BTRC: variants seen among roughly 807,000 people sequenced by gnomAD.
BTRC encodes F-box/WD repeat-containing protein 1A.
In BTRC, 42 loss-of-function variants were observed where a neutral mutation model predicts 85.5. The observed-to-expected ratio is 0.49, with a 90% CI of 0.38 to 0.64. BTRC has a LOEUF of 0.64. BTRC is among the 30% of genes least tolerant of loss of function. The probability of loss-of-function intolerance (pLI) is 0.00; values close to 1 mark genes in which losing one functional copy is unlikely to be tolerated. For missense variants in BTRC, 594 were observed against 743.5 expected (o/e 0.80, Z 2.34); for synonymous variants, 255 against 263.3 (o/e 0.97, Z 0.30).
intron 1 of BTRC, among the ~76,000 whole-genome samples, chr10:101,429,619 C>G (rs1483123810): frequency 6.7e-6 from 1 of 148,484 alleles, no homozygotes; most frequent in African/African-American, 2.5e-5. Flanking sequence ...TCCTTTCTCT[C>G]TCTCTGTGTC....
At chr10:101,517,260 C>T (rs911767984) in intron 4 of BTRC, among the ~76,000 whole-genome samples, 9 of 152,146 alleles carry the variant, frequency 5.9e-5, no homozygotes, top group African/African-American at 2.2e-4. Flanking sequence ...GGCCTAATGC[C>T]ATTCTTGAAA....
Position 101,550,861 on chromosome 10 carries a change from AT to A in BTRC, c.*2del. 6.2e-7 allele frequency: 1 copy of A among 1,613,310 alleles called. No homozygotes were observed. The highest frequency in any genetic ancestry group is 1.3e-5 in the African/African-American group (1 of 75,038). ...AACATACACCTACATCTCCAGATAA[AT>A]AACCATACACTGACCTCATACTTGC... On this transcript the variant is annotated 3_prime_UTR_variant, in exon 14 of 15. Coordinates refer to ENST00000370187, the MANE Select transcript of BTRC (RefSeq NM_033637.4).
intron 2 of BTRC, among the ~76,000 whole-genome samples, chr10:101,444,818 T>C (rs1944779606): frequency 6.6e-6 from 1 of 152,222 alleles, no homozygotes; most frequent in South Asian, 2.1e-4. Flanking sequence ...GGTGCCAGCA[T>C]AGCAGTGAAC....
Position 101,401,850 on chromosome 10 carries a change from A to G in BTRC, c.49-28495A>G, listed in dbSNP as rs540045013. On this transcript the variant is annotated intron_variant, in intron 1 of 14. Transcript: ENST00000370187. The stretch of plus-strand genomic sequence containing the variant: ...GAGACCTCATCTCAAAAAAAAAAAA[A>G]AAAAGAAAAAGAAAAACAATGTTTC... 1.6e-4 allele frequency among the ~76,000 whole-genome samples: 24 copies of G among 151,688 alleles called. No homozygotes were observed. The South Asian group carries it at 5.0e-3, about 32-fold the overall frequency.
intron 1 of BTRC, among the ~76,000 whole-genome samples, chr10:101,364,030 C>T: frequency 6.6e-6 from 1 of 151,956 alleles, no homozygotes; most frequent in East Asian, 1.9e-4. Flanking sequence ...AAGTCAAAAG[C>T]CCAAAGTCAA....
chr10:101,362,323 G>C (rs1284849722), intron 1 of BTRC, among the ~76,000 whole-genome samples: 1 of 151,984 alleles, frequency 6.6e-6, no homozygotes, highest in Non-Finnish European at 1.5e-5. Context: ...CAGGGTATCT[G>C]ATTTTGCCTT....
At chr10:101,366,698 A>T (rs1406664804) in intron 1 of BTRC, among the ~76,000 whole-genome samples, 2 of 142,974 alleles carry the variant, frequency 1.4e-5, no homozygotes, top group Non-Finnish European at 3.0e-5. Context: ...GGGTAGATAG[A>T]TATAATTTGA....
At chr10:101,387,528 C>CTTTTTTTGTTTTTTTTTT (rs1943111470) in intron 1 of BTRC, among the ~76,000 whole-genome samples, 2 of 45,122 alleles carry the variant, frequency 4.4e-5, no homozygotes, top group African/African-American at 1.5e-4. Context: ...CTTCATGGGA[C>CTTTTTTTGTTTTTTTTTT]TTTTTTTTTT....
At chr10:101,523,513 A>T (rs1207664705) in intron 5 of BTRC, among the ~76,000 whole-genome samples, 1 of 152,188 alleles carries the variant, frequency 6.6e-6, no homozygotes, top group Non-Finnish European at 1.5e-5. Context: ...CTTATATTAA[A>T]TATCATTACC....
chr10:101,526,668 TACTGTAG>T (rs2134390701), intron 6 of BTRC, among the ~76,000 whole-genome samples: 1 of 152,274 alleles, frequency 6.6e-6, no homozygotes, highest in African/African-American at 2.4e-5. Context: ...TAATCCCAGC[TACTGTAG>T]AGGCTGAGGC....
intron 5 of BTRC, among the ~76,000 whole-genome samples, chr10:101,524,642 T>A (rs1208435832): frequency 6.6e-6 from 1 of 152,154 alleles, no homozygotes; most frequent in Non-Finnish European, 1.5e-5. Context: ...CAGGAACAAT[T>A]TGATGGCACC....
intron 4 of BTRC, among the ~76,000 whole-genome samples, chr10:101,512,960 C>T (rs1457586249): frequency 1.3e-5 from 2 of 152,226 alleles, no homozygotes; most frequent in Non-Finnish European, 2.9e-5. Context: ...GTGGTTGAGT[C>T]ATCAGGCTTT....
At chr10:101,449,064 A>G (rs1430899236) in intron 2 of BTRC, among the ~76,000 whole-genome samples, 1 of 152,030 alleles carries the variant, frequency 6.6e-6, no homozygotes, top group Non-Finnish European at 1.5e-5. Flanking sequence ...ACCAGTCCAT[A>G]TTAGAGACAT....
At position 101,521,828 on chromosome 10, in the gene BTRC, CT is replaced by C. The variant is rs750731729; in HGVS notation, c.516del (p.Lys173AsnfsTer9). On this transcript the variant is annotated frameshift_variant, in exon 5 of 15. Coordinates refer to ENST00000370187, the MANE Select transcript of BTRC (RefSeq NM_033637.4). LOFTEE classifies it high-confidence loss of function. ...HYQHGHINSYLKPMLQRDFIT... is the reference protein window; with the variant it reads ...HYQHGHINSYXKPMLQRDFIT... The stretch of plus-strand genomic sequence containing the variant: ...CCAACATGGGCACATAAACTCGTAT[CT>C]TAAACCTATGTTGCAGAGAGATTTC... 1 of 1,613,886 alleles carries C rather than the reference CT, an allele frequency of 6.2e-7. No homozygotes were observed. Among genetic ancestry groups the C allele is most frequent in the Non-Finnish European group, 8.5e-7 (1 of 1,179,824 alleles).
chr10:101,409,063 A>C (rs1356082658), intron 1 of BTRC, among the ~76,000 whole-genome samples: 2 of 152,194 alleles, frequency 1.3e-5, no homozygotes, highest in Admixed American at 6.5e-5. Flanking sequence ...ACAAAAACAA[A>C]AAACAAAAAA....
intron 1 of BTRC, among the ~76,000 whole-genome samples, chr10:101,374,638 G>A (rs1489529650): frequency 9.0e-6 from 1 of 111,632 alleles, no homozygotes; most frequent in East Asian, 3.2e-4. Context: ...GTTGTGGGGT[G>A]GGGGGAGGGG....
Position 101,416,681 on chromosome 10 carries a change from T to G in BTRC, c.49-13664T>G, listed in dbSNP as rs573595737. On this transcript the variant is annotated intron_variant, in intron 1 of 14. Coordinates refer to ENST00000370187, the MANE Select transcript of BTRC (RefSeq NM_033637.4). The stretch of plus-strand genomic sequence containing the variant: ...ACTTCAGACTTAGTTTTTCAGCATC[T>G]TACTCTCTGCGTGTAAAATTTAGGA... Among the ~76,000 whole-genome samples the G allele has an allele frequency of 2.0e-5, 3 of 152,274 alleles. No homozygotes were observed. In the South Asian group the frequency reaches 6.2e-4, roughly 32 times the overall value.
At chr10:101,539,408 A>G (rs1459877626) in intron 13 of BTRC, among the ~76,000 whole-genome samples, 1 of 152,210 alleles carries the variant, frequency 6.6e-6, no homozygotes, top group Non-Finnish European at 1.5e-5. Context: ...GAGAAGAGAA[A>G]GAGGTTACAT....
intron 1 of BTRC, among the ~76,000 whole-genome samples, chr10:101,403,888 C>T (rs1026761651): frequency 6.6e-6 from 1 of 151,244 alleles, no homozygotes; most frequent in Non-Finnish European, 1.5e-5. Flanking sequence ...AGCTACTGCA[C>T]CTGGCCCATT....
Sources: allele counts gnomAD v4.1 joint callset (sites outside exome capture counted in the v4.1 genomes callset), GRCh38; gene constraint gnomAD v4.1.1; transcripts MANE v1.5; gene names NCBI Gene and HGNC (gene_info 2026-07-23, HGNC 2026-07-21).